SLC25A48: variants seen among roughly 807,000 people sequenced by gnomAD.
SLC25A48 encodes the protein solute carrier family 25 member 48.
Under a neutral mutation model 32.2 loss-of-function variants are expected in SLC25A48, and 29 were observed. The ratio of observed to expected loss-of-function variants is 0.90; its 90% confidence interval spans 0.67 to 1.23. SLC25A48 has a LOEUF of 1.23. Among genes scored for constraint, SLC25A48 ranks in the 50% most tolerant of loss-of-function variants. The probability of loss-of-function intolerance (pLI) is 0.00; values close to 1 mark genes in which losing one functional copy is unlikely to be tolerated. For missense variants in SLC25A48, 399 were observed against 422.7 expected (o/e 0.94, Z 0.49); for synonymous variants, 164 against 172.3 (o/e 0.95, Z 0.38).
intron 3 of SLC25A48, among the ~76,000 whole-genome samples, chr5:135,804,849 T>C (rs1757426413): frequency 6.6e-6 from 1 of 151,614 alleles, no homozygotes; most frequent in South Asian, 2.1e-4. Context: ...TTATTTGTAA[T>C]ATCCTAGTGA....
chr5:135,644,344 T>A (rs76790914), intron 3 of SLC25A48, among the ~76,000 whole-genome samples: 156 of 152,228 alleles, frequency 1.0e-3, no homozygotes, highest in African/African-American at 3.5e-3. Context: ...GGAGTCTGAC[T>A]TTTACCGTCT....
Position 135,834,745 on chromosome 5 carries a change from C to G in SLC25A48, c.-103C>G, listed in dbSNP as rs1758352758. 7.7e-7 allele frequency: 1 copy of G among 1,294,874 alleles called. No homozygotes were observed. The highest frequency in any genetic ancestry group is 1.5e-5 in the African/African-American group (1 of 67,052). The allele number at this position is 1,294,874 out of a possible 1,614,324, so 80.2% of individuals were successfully genotyped here. ...AGTAGGACCTGCGGCGTGCTCGAGACTCCGACTTCGGTCTTGCGGCGCGCT... is the reference window on the plus strand; with the variant it reads ...AGTAGGACCTGCGGCGTGCTCGAGAGTCCGACTTCGGTCTTGCGGCGCGCT... On this transcript the variant is annotated 5_prime_UTR_variant, in exon 1 of 8. Coordinates refer to ENST00000681962, the MANE Select transcript of SLC25A48 (RefSeq NM_001349336.2).
intron 3 of SLC25A48, among the ~76,000 whole-genome samples, chr5:135,658,375 C>T (rs1376583259): frequency 6.6e-6 from 1 of 152,164 alleles, no homozygotes; most frequent in African/African-American, 2.4e-5. Flanking sequence ...ATCCAGGGCA[C>T]ACTGATGCTA....
At chr5:135,700,337 ACTCT>A (rs1754362184) in intron 3 of SLC25A48, among the ~76,000 whole-genome samples, 1 of 127,552 alleles carries the variant, frequency 7.8e-6, no homozygotes, top group African/African-American at 3.0e-5. Context: ...ATGCCACTGC[ACTCT>A]AGCCTGGGTG....
intron 4 of SLC25A48, among the ~76,000 whole-genome samples, chr5:135,822,425 T>C (rs1478864588): frequency 2.0e-5 from 3 of 152,196 alleles, no homozygotes; most frequent in Non-Finnish European, 4.4e-5. Flanking sequence ...GTTTTCTTCT[T>C]GGGGTCTCAG....
chr5:135,731,799 T>C (rs1352697829), intron 3 of SLC25A48, among the ~76,000 whole-genome samples: 2 of 152,238 alleles, frequency 1.3e-5, no homozygotes, highest in Non-Finnish European at 2.9e-5. Flanking sequence ...AGATTATTTA[T>C]TTACTTTAAG....
chr5:135,644,371 G>A (rs78882974), intron 3 of SLC25A48, among the ~76,000 whole-genome samples: 1,736 of 152,232 alleles, frequency 0.011, 45 homozygotes, highest in African/African-American at 0.039. Context: ...GACGGTAAAA[G>A]CCATGAGGGT....
chr5:135,807,159 A>T (rs902217661), intron 3 of SLC25A48, among the ~76,000 whole-genome samples: 3 of 150,784 alleles, frequency 2.0e-5, no homozygotes, highest in Non-Finnish European at 4.5e-5. Context: ...GTGTGTTTAC[A>T]TCAGATATTT....
chr5:135,591,230 T>C (rs1234375504), intron 1 of SLC25A48, among the ~76,000 whole-genome samples: 1 of 152,244 alleles, frequency 6.6e-6, no homozygotes, highest in East Asian at 1.9e-4. Context: ...CATGCCACTC[T>C]GGGAGGCAGG....
intron 6 of SLC25A48, among the ~76,000 whole-genome samples, chr5:135,874,499 C>T (rs1454067676): frequency 6.6e-6 from 1 of 152,212 alleles, no homozygotes; most frequent in Non-Finnish European, 1.5e-5. Context: ...CTTCCTCACT[C>T]ATGGCTCAGT....
chr5:135,846,242 G>A (rs1268390984), intron 2 of SLC25A48, among the ~76,000 whole-genome samples: 1 of 152,158 alleles, frequency 6.6e-6, no homozygotes, highest in Non-Finnish European at 1.5e-5. Flanking sequence ...TGGAAAAATT[G>A]TCTTCCACAA....
chr5:135,632,996 A>G (rs1393861711), intron 2 of SLC25A48, among the ~76,000 whole-genome samples: 2 of 152,176 alleles, frequency 1.3e-5, no homozygotes, highest in African/African-American at 4.8e-5. Flanking sequence ...AGAGTTCAAG[A>G]AATGATCTGT....
intron 3 of SLC25A48, among the ~76,000 whole-genome samples, chr5:135,728,797 C>T (rs1250645083): frequency 1.3e-5 from 2 of 151,454 alleles, no homozygotes; most frequent in African/African-American, 4.9e-5. Flanking sequence ...TGCCTTTCAC[C>T]TCAGTTTCAT....
At chr5:135,850,940 G>A (rs934623716) in intron 3 of SLC25A48, among the ~76,000 whole-genome samples, 1 of 152,162 alleles carries the variant, frequency 6.6e-6, no homozygotes, top group Non-Finnish European at 1.5e-5. Flanking sequence ...TGCGACCTGA[G>A]GTATTCCTTT....
chr5:135,852,983 G>A (rs570586372), intron 4 of SLC25A48, among the ~76,000 whole-genome samples, 162 bp downstream of exon 4: 2 of 152,252 alleles, frequency 1.3e-5, no homozygotes, highest in South Asian at 4.1e-4. Context: ...CATGGGTTTG[G>A]TTCCAGACCA....
At chr5:135,763,567 C>G (rs1415150371) in intron 3 of SLC25A48, among the ~76,000 whole-genome samples, 4 of 151,902 alleles carry the variant, frequency 2.6e-5, no homozygotes, top group Non-Finnish European at 4.4e-5. Context: ...GAGGGAATCC[C>G]TCGAGGAGGG....
intron 3 of SLC25A48, among the ~76,000 whole-genome samples, chr5:135,745,816 G>A (rs553956441): frequency 6.6e-6 from 1 of 152,218 alleles, no homozygotes; most frequent in Non-Finnish European, 1.5e-5. Context: ...TTGAATGAAC[G>A]GAAGAATCAC....
chr5:135,599,884 T>C (rs568926085), intron 1 of SLC25A48, among the ~76,000 whole-genome samples: 4 of 152,128 alleles, frequency 2.6e-5, no homozygotes, highest in Non-Finnish European at 5.9e-5. Flanking sequence ...AGAAGCCTTG[T>C]AGAACTTTAA....
chr5:135,849,960 G>C (rs1759709198), intron 2 of SLC25A48, among the ~76,000 whole-genome samples: 1 of 152,156 alleles, frequency 6.6e-6, no homozygotes, highest in Non-Finnish European at 1.5e-5. Context: ...GTTGTGTAAA[G>C]AGAAATGGAG....
Sources: allele counts gnomAD v4.1 joint callset (sites outside exome capture counted in the v4.1 genomes callset), GRCh38; gene constraint gnomAD v4.1.1; transcripts MANE v1.5; gene names NCBI Gene and HGNC (gene_info 2026-07-23, HGNC 2026-07-21).